The following TENM3 variants were observed in gnomAD, a reference collection of about 807,000 sequenced individuals.
The protein encoded by TENM3 is teneurin-3.
Under a neutral mutation model 255.1 loss-of-function variants are expected in TENM3, and 63 were observed. The observed-to-expected ratio is 0.25, with a 90% CI of 0.20 to 0.30. TENM3 has a LOEUF of 0.30. Ranked by LOEUF, TENM3 falls within the 10% of genes least tolerant of loss-of-function variation. The probability of loss-of-function intolerance (pLI) is 1.00; values close to 1 mark genes in which losing one functional copy is unlikely to be tolerated. For synonymous variants in TENM3, 1,306 were observed against 1,322.3 expected (o/e 0.99, Z 0.27); for missense variants, 2,929 against 3,461.1 (o/e 0.85, Z 3.86).
intron 3 of TENM3, among the ~76,000 whole-genome samples, chr4:182,412,859 T>G (rs983902256): frequency 1.4e-5 from 2 of 147,450 alleles, no homozygotes; most frequent in Non-Finnish European, 3.0e-5. Context: ...AGTGAGACTC[T>G]GTCTCAAAAA....
chr4:181,460,777 C>T, the TENM3 span, among the ~76,000 whole-genome samples: 1 of 149,622 alleles, frequency 6.7e-6, no homozygotes, highest in Admixed American at 6.7e-5. Context: ...AGGTAAGAAA[C>T]TTGCAACAGT....
chr4:182,483,905 A>G (rs1373561303), intron 3 of TENM3, among the ~76,000 whole-genome samples: 1 of 152,104 alleles, frequency 6.6e-6, no homozygotes, highest in Non-Finnish European at 1.5e-5. Flanking sequence ...ACTCACTATC[A>G]CAAGAACGAC....
intron 1 of TENM3, among the ~76,000 whole-genome samples, chr4:182,246,528 G>A (rs550105354): frequency 6.6e-6 from 1 of 152,246 alleles, no homozygotes; most frequent in African/African-American, 2.4e-5. Context: ...AATAGAGCCG[G>A]AGTAGTAGTT....
chr4:181,570,289 C>G, the TENM3 span, among the ~76,000 whole-genome samples: 1 of 152,040 alleles, frequency 6.6e-6, no homozygotes, highest in Non-Finnish European at 1.5e-5. Context: ...TCATGATCCA[C>G]CCGCCTCGGC....
intron 13 of TENM3, among the ~76,000 whole-genome samples, chr4:182,720,171 T>C (rs1181052086): frequency 6.6e-6 from 1 of 151,896 alleles, no homozygotes; most frequent in Non-Finnish European, 1.5e-5. Flanking sequence ...AATATAAACA[T>C]GAGAATGAGT....
chr4:182,581,363 G>A (rs1433774286), intron 3 of TENM3, among the ~76,000 whole-genome samples: 2 of 152,106 alleles, frequency 1.3e-5, no homozygotes, highest in African/African-American at 4.8e-5. Context: ...AGTAAATTGT[G>A]GAAATAATCA....
the TENM3 span, among the ~76,000 whole-genome samples, chr4:181,947,252 G>A: frequency 6.5e-3 from 985 of 152,252 alleles, 5 homozygotes; most frequent in African/African-American, 0.015. Context: ...ACTATGCTAC[G>A]TACACTTGTG....
chr4:182,114,470 T>C, the TENM3 span, among the ~76,000 whole-genome samples: 1 of 152,274 alleles, frequency 6.6e-6, no homozygotes, highest in Middle Eastern at 3.4e-3. Context: ...AACTTCTTTT[T>C]TTCTTTTCTT....
chr4:181,625,335 C>T, the TENM3 span, among the ~76,000 whole-genome samples: 1 of 152,162 alleles, frequency 6.6e-6, no homozygotes, highest in Non-Finnish European at 1.5e-5. Context: ...AAATGGATTG[C>T]AGTCTGGAAA....
the TENM3 span, among the ~76,000 whole-genome samples, chr4:181,546,830 C>T: frequency 8.0e-5 from 12 of 150,706 alleles, no homozygotes; most frequent in Admixed American, 5.9e-4. Flanking sequence ...ACCTACCTTC[C>T]AGTAGAGCTT....
chr4:182,714,366 G>A (rs1300133262), intron 13 of TENM3, 133 bp downstream of exon 13: 1 of 715,238 alleles, frequency 1.4e-6, no homozygotes, highest in Non-Finnish European at 2.1e-6. Context: ...TAGATTGATT[G>A]AAAAATGTAT....
the TENM3 span, among the ~76,000 whole-genome samples, chr4:181,779,359 G>T: frequency 6.6e-6 from 1 of 151,614 alleles, no homozygotes; most frequent in Admixed American, 6.6e-5. Context: ...AATGTTTCCT[G>T]TTAGCCAGTT....
chr4:181,560,375 C>T, the TENM3 span, among the ~76,000 whole-genome samples: 1 of 152,332 alleles, frequency 6.6e-6, no homozygotes, highest in South Asian at 2.1e-4. Context: ...GGTGTGGGGA[C>T]ACAAACATTC....
the TENM3 span, among the ~76,000 whole-genome samples, chr4:181,794,040 T>C: frequency 2.0e-5 from 3 of 152,176 alleles, 1 homozygote; most frequent in Non-Finnish European, 4.4e-5. Context: ...AAAACAAGCA[T>C]CAAAAACAAG....
At chr4:182,264,862 A>C (rs1331592032) in intron 1 of TENM3, among the ~76,000 whole-genome samples, 1 of 152,290 alleles carries the variant, frequency 6.6e-6, no homozygotes, top group East Asian at 1.9e-4. Context: ...TGGATAAACA[A>C]GCTATAAATA....
chr4:182,205,424 T>G (rs887815023), intron 1 of TENM3, among the ~76,000 whole-genome samples: 1 of 152,254 alleles, frequency 6.6e-6, no homozygotes, highest in Non-Finnish European at 1.5e-5. Context: ...CTCTCCCATG[T>G]GCCTCTGACA....
intron 3 of TENM3, among the ~76,000 whole-genome samples, chr4:182,547,309 G>T (rs759551462): frequency 6.6e-6 from 1 of 152,042 alleles, no homozygotes; most frequent in Non-Finnish European, 1.5e-5. Flanking sequence ...CTATATTATG[G>T]TTACTTTTCT....
the TENM3 span, among the ~76,000 whole-genome samples, chr4:181,673,356 A>C: frequency 6.6e-6 from 1 of 152,192 alleles, no homozygotes; most frequent in Non-Finnish European, 1.5e-5. Context: ...TCTGTCTCAG[A>C]ATATACGTTT....
At chr4:182,551,635 T>G (rs1742033655) in intron 3 of TENM3, among the ~76,000 whole-genome samples, 1 of 152,182 alleles carries the variant, frequency 6.6e-6, no homozygotes, top group South Asian at 2.1e-4. Flanking sequence ...TACTATTTCA[T>G]CTGACTTAAT....
Sources: allele counts gnomAD v4.1 joint callset (sites outside exome capture counted in the v4.1 genomes callset), GRCh38; gene constraint gnomAD v4.1.1; transcripts MANE v1.5; gene names NCBI Gene and HGNC (gene_info 2026-07-23, HGNC 2026-07-21).